FLI1: variants seen among roughly 807,000 people sequenced by gnomAD.
FLI1 encodes Friend leukemia integration 1 transcription factor.
A neutral mutation model predicts 53.1 loss-of-function variants in FLI1; 13 were observed. The observed-to-expected ratio is 0.24, with a 90% CI of 0.16 to 0.39. The LOEUF (loss-of-function observed/expected upper bound fraction) is 0.39. Ranked by LOEUF, FLI1 falls within the 10% of genes least tolerant of loss-of-function variation. The probability of loss-of-function intolerance (pLI) is 1.00; values close to 1 mark genes in which losing one functional copy is unlikely to be tolerated. For synonymous variants in FLI1, 244 were observed against 236.7 expected (o/e 1.03, Z -0.28); for missense variants, 424 against 600.5 (o/e 0.71, Z 3.07).
intron 1 of FLI1, among the ~76,000 whole-genome samples, chr11:128,725,676 TTG>T (rs745676341): frequency 1.7e-4 from 25 of 146,532 alleles, no homozygotes; most frequent in South Asian, 4.3e-4. Flanking sequence ...GTGTGTGTGT[TTG>T]TGTGTGTGTG....
rs1454039060 is a variant in FLI1, at chr11:128,813,070, G to A, written c.*2082G>A. ...ACCTAAATGAAATGGGATGTGTTTC[G>A]GAACATTTGTCTCCAGTTTTTTTTT... On this transcript the variant is annotated 3_prime_UTR_variant, in exon 9 of 9. Coordinates refer to ENST00000527786, the MANE Select transcript of FLI1 (RefSeq NM_002017.5). 6 of 166,284 alleles carry A rather than the reference G, an allele frequency of 3.6e-5. 1 individual carries two copies. Among genetic ancestry groups the A allele is most frequent in the African/African-American group, 7.3e-5 (3 of 41,042 alleles). 10.3% of individuals were successfully genotyped at this position (166,284 alleles called of 1,614,324 possible).
chr11:128,785,938 T>C (rs747439851), intron 5 of FLI1, among the ~76,000 whole-genome samples: 36 of 152,234 alleles, frequency 2.4e-4, no homozygotes, highest in South Asian at 8.3e-4. Flanking sequence ...TGCATAGCAT[T>C]GTGAATGTAC....
At chr11:128,761,852 C>T (rs1380619064) in intron 2 of FLI1, among the ~76,000 whole-genome samples, 1 of 152,140 alleles carries the variant, frequency 6.6e-6, no homozygotes, top group Admixed American at 6.5e-5. Flanking sequence ...CTACACAGAG[C>T]AGCAACCTCT....
At chr11:128,805,560 A>G in intron 6 of FLI1, 129 bp downstream of exon 6, 1 of 626,988 alleles carries the variant, frequency 1.6e-6, no homozygotes, top group Admixed American at 3.0e-5. Context: ...CATCAAAATT[A>G]TTTGCCAATT....
At chr11:128,732,328 CAG>C (rs1479281230) in intron 1 of FLI1, among the ~76,000 whole-genome samples, 7 of 152,336 alleles carry the variant, frequency 4.6e-5, no homozygotes, top group Middle Eastern at 3.4e-3. Flanking sequence ...GATGGGCAGA[CAG>C]AACCAACGTG....
At chr11:128,741,443 T>C (rs940110737) in intron 1 of FLI1, among the ~76,000 whole-genome samples, 5 of 152,150 alleles carry the variant, frequency 3.3e-5, no homozygotes, top group African/African-American at 9.7e-5. Flanking sequence ...CTGCCTACGG[T>C]GACTCTTCAG....
At chr11:128,723,468 T>C (rs1393878000) in intron 1 of FLI1, among the ~76,000 whole-genome samples, 1 of 152,048 alleles carries the variant, frequency 6.6e-6, no homozygotes, top group East Asian at 1.9e-4. Context: ...TGGGTAATCT[T>C]AGGAAATTTG....
At chr11:128,709,466 C>T (rs984514894) in intron 1 of FLI1, among the ~76,000 whole-genome samples, 1 of 152,118 alleles carries the variant, frequency 6.6e-6, no homozygotes, top group Non-Finnish European at 1.5e-5. Flanking sequence ...CATGTAGACA[C>T]CATCCCCTAC....
intron 4 of FLI1, among the ~76,000 whole-genome samples, chr11:128,777,546 C>T (rs1201438051): frequency 2.0e-5 from 3 of 152,212 alleles, no homozygotes; most frequent in Non-Finnish European, 4.4e-5. Flanking sequence ...GGCAATTAAG[C>T]TGGTGCAATC....
At chr11:128,716,247 C>T (rs1345441143) in intron 1 of FLI1, among the ~76,000 whole-genome samples, 1 of 152,124 alleles carries the variant, frequency 6.6e-6, no homozygotes, top group East Asian at 1.9e-4. Flanking sequence ...CTTCTCTCCC[C>T]ACCCCCTCCA....
At chr11:128,729,136 C>T (rs898892256) in intron 1 of FLI1, among the ~76,000 whole-genome samples, 1 of 152,090 alleles carries the variant, frequency 6.6e-6, no homozygotes, top group African/African-American at 2.4e-5. Context: ...CGGATGTGTA[C>T]GAGGGCAACA....
intron 5 of FLI1, among the ~76,000 whole-genome samples, chr11:128,784,213 C>G (rs1318942366): frequency 1.4e-5 from 2 of 145,408 alleles, no homozygotes; most frequent in Non-Finnish European, 3.0e-5. Context: ...AAATGTGTTG[C>G]TAACCATCTC....
intron 1 of FLI1, 149 bp downstream of exon 1, chr11:128,694,425 G>A (rs1937934728): frequency 3.3e-6 from 2 of 601,464 alleles, no homozygotes; most frequent in East Asian, 7.0e-5. Flanking sequence ...TCCGGCGCTC[G>A]GGTGGCGAGT....
At chr11:128,698,087 C>T (rs781249001) in intron 1 of FLI1, among the ~76,000 whole-genome samples, 10 of 152,120 alleles carry the variant, frequency 6.6e-5, no homozygotes, top group Non-Finnish European at 8.8e-5. Flanking sequence ...ACAAGCACAG[C>T]CCGAAAGAAG....
chr11:128,742,243 T>C (rs1940172353), intron 1 of FLI1, among the ~76,000 whole-genome samples: 1 of 152,218 alleles, frequency 6.6e-6, no homozygotes, highest in African/African-American at 2.4e-5. Flanking sequence ...CCTAATCTCA[T>C]AGTCATCAAC....
intron 1 of FLI1, among the ~76,000 whole-genome samples, chr11:128,753,739 C>A (rs771989271): frequency 6.6e-6 from 1 of 152,220 alleles, no homozygotes; most frequent in African/African-American, 2.4e-5. Flanking sequence ...CTCAGCAGCT[C>A]CTCGCCTGCA....
chr11:128,761,012 G>A (rs1383192627), intron 2 of FLI1, among the ~76,000 whole-genome samples: 9 of 152,154 alleles, frequency 5.9e-5, no homozygotes, highest in Admixed American at 1.3e-4. Flanking sequence ...TGCTTTCCTC[G>A]TTTGTAATCC....
At position 128,772,436 on chromosome 11, in the gene FLI1, G is replaced by A. The variant is rs530014436; in HGVS notation, c.386-346G>A. 3.8e-4 allele frequency among the ~76,000 whole-genome samples: 58 copies of A among 152,146 alleles called. 1 individual carries two copies. The highest frequency in any genetic ancestry group is 3.3e-4 in the Admixed American group (5 of 15,280). ...TATTCTTAAAATACAGATGGTTCCC[G>A]TTTCCAGAGACATTGGTCCCGGGGT... On this transcript the variant is annotated intron_variant, in intron 3 of 8. Coordinates refer to ENST00000527786, the MANE Select transcript of FLI1 (RefSeq NM_002017.5).
chr11:128,749,653 A>G (rs1940557805), intron 1 of FLI1, among the ~76,000 whole-genome samples: 1 of 152,252 alleles, frequency 6.6e-6, no homozygotes, highest in African/African-American at 2.4e-5. Flanking sequence ...AGAGAGAGGC[A>G]AAGATAAGAA....
Sources: gnomAD v4.1 joint callset for allele counts (sites outside exome capture counted in the v4.1 genomes callset) on GRCh38, gnomAD v4.1.1 for gene constraint, MANE v1.5 for transcripts, NCBI Gene and HGNC (gene_info 2026-07-23, HGNC 2026-07-21) for gene names.